ARHGAP24: variants seen among roughly 807,000 people sequenced by gnomAD.
ARHGAP24 encodes Rho GTPase activating protein 24, also known as rho GTPase-activating protein 24.
ARHGAP24 carries 50 observed loss-of-function variants against 76.4 expected under a neutral mutation model. The observed-to-expected ratio is 0.65, with a 90% confidence interval of 0.52 to 0.83. ARHGAP24 has a LOEUF of 0.83. Among genes scored for constraint, ARHGAP24 ranks in the 40% least tolerant of loss-of-function variants. ARHGAP24 has a pLI of 0.00. For missense variants in ARHGAP24, 930 were observed against 914.2 expected, an observed-to-expected ratio of 1.02 and a Z score of -0.22; for synonymous variants, 345 against 323.3, an observed-to-expected ratio of 1.07 and a Z score of -0.72.
intron 5 of ARHGAP24, among the ~76,000 whole-genome samples, chr4:85,954,140 A>C (rs1737777220): frequency 6.6e-6 from 1 of 152,210 alleles, no homozygotes; most frequent in Non-Finnish European, 1.5e-5. Context: ...ACAAGAAAAA[A>C]AGATGTTTTG....
chr4:85,983,860 T>C lies in ARHGAP24; in HGVS notation c.928+6169T>C, dbSNP rs543276011. Among the ~76,000 whole-genome samples the C allele has an allele frequency of 7.9e-5, 12 of 152,336 alleles. No homozygotes were observed. In the South Asian group the frequency reaches 2.3e-3, roughly 29 times the overall value. ...AAGTTTCTCCTCTTTTCTTATTCAT[T>C]CTCCTGATTTATATAAAATTAGATC... On this transcript the variant is annotated intron_variant, in intron 8 of 9. Transcript: ENST00000395184.
intron 2 of ARHGAP24, among the ~76,000 whole-genome samples, chr4:85,628,012 C>T (rs1469048179): frequency 5.3e-5 from 8 of 152,170 alleles, no homozygotes; most frequent in Non-Finnish European, 1.0e-4. Context: ...ATTCGCTGAC[C>T]CCTTGCGCTT....
At chr4:85,598,427 C>T (rs1315754288) in intron 2 of ARHGAP24, among the ~76,000 whole-genome samples, 1 of 151,912 alleles carries the variant, frequency 6.6e-6, no homozygotes, top group Non-Finnish European at 1.5e-5. Context: ...AAAACAAAGG[C>T]TCAAATGGGT....
chr4:85,656,316 G>A (rs1905084), intron 2 of ARHGAP24, among the ~76,000 whole-genome samples: 58,802 of 151,952 alleles, frequency 0.39, 12,754 homozygotes, highest in East Asian at 0.84. Context: ...AGTGAGATTC[G>A]TATTTTACCA....
chr4:85,577,387 T>C (rs908912907), intron 2 of ARHGAP24, among the ~76,000 whole-genome samples: 1 of 152,148 alleles, frequency 6.6e-6, no homozygotes, highest in African/African-American at 2.4e-5. Context: ...TTTTAACTTT[T>C]GGCTTCCAAA....
chr4:85,747,665 T>C (rs1186902490), intron 3 of ARHGAP24, among the ~76,000 whole-genome samples: 2 of 152,168 alleles, frequency 1.3e-5, no homozygotes, highest in East Asian at 3.8e-4. Flanking sequence ...ATTGTGCCAC[T>C]GCACTCCAGC....
intron 2 of ARHGAP24, among the ~76,000 whole-genome samples, chr4:85,621,607 GGA>G (rs1363377278): frequency 1.1e-4 from 16 of 151,798 alleles, no homozygotes; most frequent in Non-Finnish European, 2.1e-4. Flanking sequence ...ACTTTTTAAT[GGA>G]GTTATTTTTT....
chr4:85,702,791 C>A (rs1302701859), intron 2 of ARHGAP24, among the ~76,000 whole-genome samples: 1 of 151,968 alleles, frequency 6.6e-6, no homozygotes, highest in Non-Finnish European at 1.5e-5. Context: ...TTTACAGCAT[C>A]ATTTGTACTC....
intron 1 of ARHGAP24, among the ~76,000 whole-genome samples, chr4:85,569,704 T>C (rs1203006986): frequency 6.6e-6 from 1 of 152,208 alleles, no homozygotes; most frequent in Non-Finnish European, 1.5e-5. Flanking sequence ...TTGTTTGTTT[T>C]CTCTTAAACT....
At chr4:85,943,805 C>A (rs1308153596) in intron 5 of ARHGAP24, among the ~76,000 whole-genome samples, 1 of 151,620 alleles carries the variant, frequency 6.6e-6, no homozygotes, top group Admixed American at 6.6e-5. Context: ...TTTTTTAAGG[C>A]TGCATAGTAT....
At chr4:85,622,866 C>T (rs1290049828) in intron 2 of ARHGAP24, among the ~76,000 whole-genome samples, 2 of 152,190 alleles carry the variant, frequency 1.3e-5, no homozygotes, top group East Asian at 3.9e-4. Flanking sequence ...AGCATTTTTT[C>T]ATGTGTTTTT....
chr4:85,689,928 C>A (rs1723566951), intron 2 of ARHGAP24, among the ~76,000 whole-genome samples: 1 of 142,684 alleles, frequency 7.0e-6, no homozygotes, highest in African/African-American at 2.8e-5. Context: ...AAGTGGTCAT[C>A]TTTGTCTTGT....
chr4:85,521,072 T>A (rs1229710752), intron 1 of ARHGAP24, among the ~76,000 whole-genome samples: 2 of 152,178 alleles, frequency 1.3e-5, no homozygotes, highest in East Asian at 1.9e-4. Context: ...CAGAGCTTTT[T>A]TTCAGCAGAG....
intron 4 of ARHGAP24, among the ~76,000 whole-genome samples, chr4:85,925,300 A>G (rs1735961541): frequency 6.6e-6 from 1 of 152,204 alleles, no homozygotes; most frequent in South Asian, 2.1e-4. Context: ...TGCACACACT[A>G]CCCGCTGCCC....
At chr4:85,998,901 T>C (rs1179543067) in intron 9 of ARHGAP24, among the ~76,000 whole-genome samples, 1 of 152,240 alleles carries the variant, frequency 6.6e-6, no homozygotes, top group Admixed American at 6.5e-5. Context: ...CTGTGGCCTC[T>C]ATCCAAGACT....
At chr4:85,600,071 A>G (rs1390045291) in intron 2 of ARHGAP24, among the ~76,000 whole-genome samples, 2 of 152,194 alleles carry the variant, frequency 1.3e-5, no homozygotes, top group African/African-American at 2.4e-5. Context: ...ATGTACTGAA[A>G]TAGACAATTA....
intron 3 of ARHGAP24, among the ~76,000 whole-genome samples, chr4:85,884,148 T>C (rs765389701): frequency 6.6e-6 from 1 of 152,350 alleles, no homozygotes; most frequent in South Asian, 2.1e-4. Flanking sequence ...CACTCTCAAC[T>C]GCTCCAATCA....
At chr4:85,488,557 A>G (rs1214346114) in intron 1 of ARHGAP24, among the ~76,000 whole-genome samples, 1 of 152,164 alleles carries the variant, frequency 6.6e-6, no homozygotes, top group Non-Finnish European at 1.5e-5. Context: ...TCCATTGGAA[A>G]ATGAATCCAA....
At chr4:85,664,724 G>T (rs1228105857) in intron 2 of ARHGAP24, among the ~76,000 whole-genome samples, 3 of 150,734 alleles carry the variant, frequency 2.0e-5, no homozygotes, top group Non-Finnish European at 4.4e-5. Context: ...CTTTGTTCTC[G>T]TTGGTTTCAA....
Sources: allele counts gnomAD v4.1 joint callset (sites outside exome capture counted in the v4.1 genomes callset), GRCh38; gene constraint gnomAD v4.1.1; transcripts MANE v1.5; gene names NCBI Gene and HGNC (gene_info 2026-07-23, HGNC 2026-07-21).